The following DUOX1 variants were observed in gnomAD, a reference collection of about 807,000 sequenced individuals.
The protein encoded by DUOX1 is NADPH thyroid oxidase 1.
DUOX1 carries 134 observed loss-of-function variants against 181.8 expected under a neutral mutation model. The ratio of observed to expected loss-of-function variants is 0.74; its 90% CI spans 0.64 to 0.85. The LOEUF (loss-of-function observed/expected upper bound fraction) is 0.85, where lower values mean the gene tolerates loss of function less well. Ranked by LOEUF, DUOX1 falls within the 40% of genes least tolerant of loss-of-function variation. The pLI, the probability that DUOX1 is intolerant of heterozygous loss-of-function variation, is 0.00. For synonymous variants in DUOX1, 798 were observed against 832.5 expected, an observed-to-expected ratio of 0.96 and a Z score of 0.71; for missense variants, 1,814 against 2,064.4, an observed-to-expected ratio of 0.88 and a Z score of 2.35.
intron 29 of DUOX1, among the ~76,000 whole-genome samples, 174 bp downstream of exon 29, chr15:45,161,164 A>T (rs1337656405): frequency 2.0e-5 from 3 of 152,118 alleles, no homozygotes; most frequent in African/African-American, 7.2e-5. Flanking sequence ...CTGTAATCCC[A>T]GCACTTTGGG....
Position 45,139,709 on chromosome 15 carries a change from G to C in DUOX1, c.1389+110G>C, listed in dbSNP as rs539999318. 5.0e-5 allele frequency: 59 copies of C among 1,191,236 alleles called. No individual in the cohort carries two copies. In the Middle Eastern group the frequency reaches 8.7e-4, roughly 18 times the overall value. The allele number at this position is 1,191,236 out of a possible 1,614,324, so 73.8% of individuals were successfully genotyped here. A position where few individuals can be genotyped will look rare whatever the true frequency, so the allele number is the denominator to read the frequency against. ...GAGCACAAGAGACAAGCACCTAATG[G>C]GAGGGGCAGGGCTTACCCAGATCAC... On this transcript the variant is annotated intron_variant, in intron 12 of 33. Transcript: ENST00000389037.
At position 45,148,321 on chromosome 15, in the gene DUOX1, G is replaced by C; in HGVS notation, c.2692G>C (p.Glu898Gln). The C allele has an allele frequency of 6.2e-7, 1 of 1,614,232 alleles. No homozygotes were observed. The highest frequency in any genetic ancestry group is 8.5e-7 in the Non-Finnish European group (1 of 1,180,042). The change falls in exon 21 of 34, where the codon GAG (glutamate) becomes CAG (glutamine). Residue 898 changes from glutamate (E) to glutamine (Q), a missense_variant. This residue lies in a region of DUOX1 where 1,064 missense variants were observed against 1,152.9 expected (regional missense o/e 0.92). Coordinates refer to ENST00000389037, the MANE Select transcript of DUOX1 (RefSeq NM_175940.3). ...CTGCCTGTCCAAGGCCCAGCTGGCT[G>C]AGGTGGTGGAGTCCATGTTCCGGGA... ...NNCLSKAQLAEVVESMFRESG... is the reference protein window; with the variant it reads ...NNCLSKAQLAQVVESMFRESG...
chr15:45,144,648 C>T (rs1437629540), intron 17 of DUOX1, among the ~76,000 whole-genome samples: 1 of 152,244 alleles, frequency 6.6e-6, no homozygotes, highest in Admixed American at 6.5e-5. Flanking sequence ...GGCCTTCCTG[C>T]CCTCCTCTGC....
intron 20 of DUOX1, 75 bp from the exon 21 acceptor site, chr15:45,148,197 G>A (rs1896705022): frequency 5.6e-6 from 9 of 1,599,566 alleles, no homozygotes; most frequent in African/African-American, 1.3e-5. Context: ...AACTTGGTGC[G>A]ATGGAGTCAG....
chr15:45,163,738 A>G, intron 32 of DUOX1, 51 bp downstream of exon 32: 1 of 1,613,540 alleles, frequency 6.2e-7, no homozygotes, highest in South Asian at 1.1e-5. Context: ...TGAGCTAGGA[A>G]TTGACCCTAG....
Position 45,148,250 on chromosome 15 carries a change from G to A in DUOX1, c.2643-22G>A, listed in dbSNP as rs1003774265. On this transcript the variant is annotated intron_variant, in intron 20 of 33. Transcript: ENST00000389037. ...TCGCAGGCCCCAGTCAGGGCCGGATGGTTCCTCTCCCCCAACCCCAGATCC... is the reference window on the plus strand; with the variant it reads ...TCGCAGGCCCCAGTCAGGGCCGGATAGTTCCTCTCCCCCAACCCCAGATCC... 4 of 1,613,704 alleles carry A rather than the reference G, an allele frequency of 2.5e-6. No individual in the cohort carries two copies. The Admixed American group carries it at 5.0e-5, about 20-fold the overall frequency.
rs886356450 is a variant in DUOX1, at chr15:45,164,897, T to G, written c.4652T>G (p.Phe1551Cys). The change falls in exon 34 of 34, where the codon TTC becomes TGC. Residue 1551 changes from phenylalanine (F) to cysteine (C), a missense_variant. This residue lies in a region of DUOX1 where 124 missense variants were observed against 125.7 expected (regional missense o/e 0.99). Transcript: ENST00000389037. ...RTHFSHHYEN[F>C] ...CACTTCTCCCACCATTATGAGAACTTCTAGGCCCCTGCCCGGGGGTTCTGC... is the reference window on the plus strand; with the variant it reads ...CACTTCTCCCACCATTATGAGAACTGCTAGGCCCCTGCCCGGGGGTTCTGC... The G allele has an allele frequency of 1.2e-6, 2 of 1,614,072 alleles. No individual in the cohort carries two copies. Among genetic ancestry groups the G allele is most frequent in the Non-Finnish European group, 1.7e-6 (2 of 1,179,972 alleles).
chr15:45,135,261 C>T lies in DUOX1; in HGVS notation c.465C>T (p.Thr155=), dbSNP rs749531634. The T allele has an allele frequency of 1.2e-6, 2 of 1,612,514 alleles. No homozygotes were observed. Among genetic ancestry groups the T allele is most frequent in the East Asian group, 2.2e-5 (1 of 44,812 alleles). ...AGAGAAGCCGCTGGGACCCCGAGAC[C>T]GGACGGAGTCCCAGCAATCCCCGGG... is the stretch of plus-strand genomic sequence containing the variant. ...PFQRSRWDPE[T]GRSPSNPRDP... Residue 155 remains threonine, a synonymous_variant, in exon 5 of 34, where the codon ACC becomes ACT. Coordinates refer to ENST00000389037, the MANE Select transcript of DUOX1 (RefSeq NM_175940.3).
chr15:45,163,414 C>T, intron 31 of DUOX1, 118 bp from the exon 32 acceptor site: 1 of 1,434,648 alleles, frequency 7.0e-7, no homozygotes, highest in Non-Finnish European at 9.4e-7. Flanking sequence ...TCTCCCCAGG[C>T]TGTCTAGGGA....
Position 45,141,272 on chromosome 15 carries a change from T to G in DUOX1, c.1566-20T>G. 3 of 1,613,634 alleles carry G rather than the reference T, an allele frequency of 1.9e-6. No individual in the cohort carries two copies. The highest frequency in any genetic ancestry group is 2.2e-5 in the East Asian group (1 of 44,882). ...TGCATCCCCTTCCCATCCCAGTGAC[T>G]TCTACTTACTCCAACTTAGGCTGTT... is the stretch of plus-strand genomic sequence containing the variant. On this transcript the variant is annotated intron_variant, in intron 13 of 33. Coordinates refer to ENST00000389037, the MANE Select transcript of DUOX1 (RefSeq NM_175940.3).
chr15:45,150,537 C>T lies in DUOX1; in HGVS notation c.2819-95C>T, dbSNP rs2141284501. The T allele has an allele frequency of 2.5e-6, 3 of 1,193,350 alleles. No homozygotes were observed. In the South Asian group the frequency reaches 3.7e-5, roughly 15 times the overall value. The allele number at this position is 1,193,350 out of a possible 1,614,324, so 73.9% of individuals were successfully genotyped here. A position where few individuals can be genotyped will look rare whatever the true frequency, so the allele number is the denominator to read the frequency against. On this transcript the variant is annotated intron_variant, in intron 21 of 33. Coordinates refer to ENST00000389037, the MANE Select transcript of DUOX1 (RefSeq NM_175940.3). ...CATTGGTCTGGGACTGTCTACTGTG[C>T]CTGAGCATGGGATGGTAGGAGTGCT...
At chr15:45,147,730 C>T in intron 19 of DUOX1, 72 bp downstream of exon 19, 2 of 1,597,758 alleles carry the variant, frequency 1.3e-6, no homozygotes, top group Non-Finnish European at 1.7e-6. Context: ...GCCCTGGGAC[C>T]AGGTCTCCAG....
At chr15:45,136,050 G>A (rs1477961224) in intron 7 of DUOX1, 102 bp downstream of exon 7, 1 of 1,481,474 alleles carries the variant, frequency 6.8e-7, no homozygotes, top group African/African-American at 1.4e-5. Flanking sequence ...CCGCCACCCA[G>A]AAACCCCTCC....
Position 45,161,061 on chromosome 15 carries a change from G to A in DUOX1, c.3856+71G>A, listed in dbSNP as rs772096924. On this transcript the variant is annotated intron_variant, in intron 29 of 33. Transcript: ENST00000389037. Reference sequence around the variant, plus strand: ...ACCGGGCAGAGGCAGAGTCTAGACCGCACAGTCTCCTGGTCGGGCCCAGTG... The same window carrying A: ...ACCGGGCAGAGGCAGAGTCTAGACCACACAGTCTCCTGGTCGGGCCCAGTG... 20 of 1,597,624 alleles carry A rather than the reference G, an allele frequency of 1.3e-5. 1 individual carries two copies. The highest frequency in any genetic ancestry group is 7.8e-5 in the South Asian group (7 of 89,504).
chr15:45,156,823 T>C (rs1471378161), intron 28 of DUOX1, among the ~76,000 whole-genome samples: 2 of 152,166 alleles, frequency 1.3e-5, no homozygotes, highest in Non-Finnish European at 2.9e-5. Context: ...TCCCTTCTCA[T>C]GTTCCCTTCA....
At chr15:45,160,227 G>A (rs542691191) in intron 28 of DUOX1, among the ~76,000 whole-genome samples, 1 of 152,294 alleles carries the variant, frequency 6.6e-6, no homozygotes, top group Admixed American at 6.5e-5. Context: ...ATGTGGTAGA[G>A]AGGACTGAGG....
intron 22 of DUOX1, 60 bp downstream of exon 22, chr15:45,150,761 T>G (rs749775653): frequency 2.1e-4 from 317 of 1,535,912 alleles, no homozygotes; most frequent in Non-Finnish European, 2.7e-4. Flanking sequence ...TTCTCTCCCC[T>G]GAATGGCTGG....
At chr15:45,132,085 T>TC in intron 2 of DUOX1, 61 bp downstream of exon 2, 2 of 1,452,986 alleles carry the variant, frequency 1.4e-6, no homozygotes, top group Admixed American at 4.4e-5. Context: ...TCCTCTGGGC[T>TC]CCCCCAAGGA....
Position 45,165,049 on chromosome 15 carries a change from T to A in DUOX1, c.*148T>A. 7 of 862,950 alleles carry A rather than the reference T, an allele frequency of 8.1e-6. No homozygotes were observed. The highest frequency in any genetic ancestry group is 1.1e-5 in the Non-Finnish European group (6 of 557,348). 53.5% of individuals were successfully genotyped at this position (862,950 alleles called of 1,614,324 possible). Reference sequence around the variant, plus strand: ...TCCAGGTGGCCATAGTCAGTCACCATGTGTGGGCTCAGGGACCCCCAGGAC... The same window carrying A: ...TCCAGGTGGCCATAGTCAGTCACCAAGTGTGGGCTCAGGGACCCCCAGGAC... On this transcript the variant is annotated 3_prime_UTR_variant, in exon 34 of 34. Coordinates refer to ENST00000389037, the MANE Select transcript of DUOX1 (RefSeq NM_175940.3).
Sources: allele counts gnomAD v4.1 joint callset (sites outside exome capture counted in the v4.1 genomes callset), GRCh38; gene constraint gnomAD v4.1.1; regional missense constraint gnomAD v4.1.1; transcripts MANE v1.5; gene names NCBI Gene and HGNC (gene_info 2026-07-23, HGNC 2026-07-21).